The following ORC5 variants were observed in gnomAD, a reference collection of about 807,000 sequenced individuals.
The protein encoded by ORC5 is protein phosphatase 1, regulatory subunit 117.
ORC5 carries 39 observed loss-of-function variants against 58.8 expected under a neutral mutation model. That is an observed-to-expected ratio of 0.66 (90% confidence interval 0.51 to 0.87). The LOEUF is 0.87. Among genes scored for constraint, ORC5 ranks in the 40% least tolerant of loss-of-function variants. The pLI, the probability that ORC5 is intolerant of heterozygous loss-of-function variation, is 0.00. For synonymous variants in ORC5, 218 were observed against 177.6 expected (o/e 1.23, Z -1.81); for missense variants, 493 against 506.3 (o/e 0.97, Z 0.25).
rs1210713098 is a variant in ORC5, at chr7:104,138,651, T to TA, written c.1150-1759dup. Among the ~76,000 whole-genome samples, 1 of 152,044 alleles carries TA rather than the reference T, an allele frequency of 6.6e-6. No homozygotes were observed. The highest frequency in any genetic ancestry group is 1.5e-5 in the Non-Finnish European group (1 of 67,988). The stretch of plus-strand genomic sequence containing the variant: ...GCAGCCTCCTGAGTAGCTGGTACTA[T>TA]AGGCACATGCCACCACACCCAGCTA... On this transcript the variant is annotated intron_variant, in intron 12 of 13. Coordinates refer to ENST00000297431, the MANE Select transcript of ORC5 (RefSeq NM_002553.4). This position sits in a 1 kb window ranked among gnomAD's most constrained non-coding sequence, Gnocchi z 4.7.
Position 104,204,228 on chromosome 7 carries a change from G to A in ORC5, c.79C>T (p.His27Tyr). 16 of 1,584,576 alleles carry A rather than the reference G, an allele frequency of 1.0e-5. No individual in the cohort carries two copies. Among genetic ancestry groups the A allele is most frequent in the Non-Finnish European group, 1.3e-5 (15 of 1,157,452 alleles). ...ATAAAAATGGATGGAAAGCTGAAAT[G>A]ATGTCTCTAACGAGAGAAAAGACAA... is the stretch of plus-strand genomic sequence containing the variant. Reference protein sequence around the residue: ...ILQSLFGERHHFSFPSIFIYG... With the variant: ...ILQSLFGERHYFSFPSIFIYG... Residue 27 changes from histidine to tyrosine, a missense_variant, in exon 2 of 14, where the codon CAT becomes TAT. By Grantham distance (83) the His-to-Tyr change is moderately conservative (BLOSUM62 2). This residue lies in a region of ORC5 where 412 missense variants were observed against 403.7 expected (regional missense o/e 1.02). Coordinates refer to ENST00000297431, the MANE Select transcript of ORC5 (RefSeq NM_002553.4).
intron 13 of ORC5, among the ~76,000 whole-genome samples, chr7:104,128,029 G>A (rs1183195442): frequency 6.6e-6 from 1 of 152,122 alleles, no homozygotes; most frequent in African/African-American, 2.4e-5. Flanking sequence ...CAAAAAGTAT[G>A]GTTATTAAAT....
intron 12 of ORC5, among the ~76,000 whole-genome samples, chr7:104,159,520 C>A (rs1332049217): frequency 5.8e-4 from 73 of 125,532 alleles, no homozygotes; most frequent in African/African-American, 1.7e-3. Context: ...TAGAGAAAGC[C>A]AAAAAAAAAA....
intron 1 of ORC5, 84 bp downstream of exon 1, chr7:104,207,749 C>A (rs1030628016): frequency 3.6e-6 from 5 of 1,370,666 alleles, no homozygotes; most frequent in Non-Finnish European, 5.2e-6. Flanking sequence ...TCAATCCAAA[C>A]ACGAAAAAAC....
At chr7:104,193,667 A>G (rs1395098869) in intron 5 of ORC5, among the ~76,000 whole-genome samples, 2 of 151,750 alleles carry the variant, frequency 1.3e-5, no homozygotes, top group Non-Finnish European at 2.9e-5. Context: ...TCAACTTATC[A>G]ATTAATATTC....
At chr7:104,149,247 T>C (rs948106167) in intron 12 of ORC5, among the ~76,000 whole-genome samples, 6 of 152,132 alleles carry the variant, frequency 3.9e-5, no homozygotes, top group Admixed American at 6.5e-5. Flanking sequence ...TCTGAAACAC[T>C]AGAATCATTT....
intron 12 of ORC5, among the ~76,000 whole-genome samples, chr7:104,146,345 A>G (rs1798752318): frequency 1.3e-5 from 2 of 152,198 alleles, no homozygotes; most frequent in African/African-American, 4.8e-5. Flanking sequence ...GTTCACATAA[A>G]AACTAGTACA....
chr7:104,163,341 T>C (rs1799054621), intron 11 of ORC5, among the ~76,000 whole-genome samples: 1 of 152,224 alleles, frequency 6.6e-6, no homozygotes, highest in African/African-American at 2.4e-5. Flanking sequence ...TTTCACCTTC[T>C]TTCCCTTTAG....
intron 12 of ORC5, among the ~76,000 whole-genome samples, chr7:104,151,189 T>C (rs1421250337): frequency 6.6e-6 from 1 of 152,144 alleles, no homozygotes; most frequent in Non-Finnish European, 1.5e-5. Context: ...CTTGGTTCTG[T>C]AAATAATGTA....
intron 3 of ORC5, among the ~76,000 whole-genome samples, chr7:104,199,263 T>C (rs1027611265): frequency 2.6e-5 from 4 of 152,198 alleles, no homozygotes; most frequent in Non-Finnish European, 5.9e-5. Flanking sequence ...TTGCACTGTG[T>C]GCATGGAAAA....
At chr7:104,148,410 A>G (rs149848624) in intron 12 of ORC5, among the ~76,000 whole-genome samples, 1 of 152,336 alleles carries the variant, frequency 6.6e-6, no homozygotes, top group East Asian at 1.9e-4. Flanking sequence ...AGTGAAGGCA[A>G]TAACTATTAG....
chr7:104,207,646 T>A (rs2075217), intron 1 of ORC5, among the ~76,000 whole-genome samples, 187 bp downstream of exon 1: 62,283 of 151,738 alleles, frequency 0.41, 15,644 homozygotes, highest in African/African-American at 0.68. Context: ...GCTCTCAGAC[T>A]GTCTCCTCTT....
At chr7:104,132,246 A>C (rs990536784) in intron 13 of ORC5, among the ~76,000 whole-genome samples, 1 of 152,080 alleles carries the variant, frequency 6.6e-6, no homozygotes, top group Admixed American at 6.5e-5. Context: ...ACAGTTTCCT[A>C]GTTTTCTTGT....
intron 8 of ORC5, among the ~76,000 whole-genome samples, chr7:104,172,152 T>C (rs1379999437): frequency 1.3e-5 from 2 of 152,232 alleles, no homozygotes; most frequent in Non-Finnish European, 1.5e-5. Context: ...TGTAGCAATC[T>C]CTAACTCCTG....
intron 12 of ORC5, among the ~76,000 whole-genome samples, chr7:104,153,949 T>C (rs1377571140): frequency 3.3e-5 from 5 of 152,132 alleles, no homozygotes; most frequent in Non-Finnish European, 7.4e-5. Flanking sequence ...TTATGTAATA[T>C]GCAAATTAAC....
chr7:104,167,798 T>C (rs972157038), intron 9 of ORC5, among the ~76,000 whole-genome samples: 1 of 152,172 alleles, frequency 6.6e-6, no homozygotes, highest in Non-Finnish European at 1.5e-5. Flanking sequence ...TAGAAAGTAG[T>C]GCAAATCAAT....
intron 5 of ORC5, among the ~76,000 whole-genome samples, chr7:104,193,561 AT>A (rs995885398): frequency 1.2e-4 from 19 of 152,140 alleles, no homozygotes; most frequent in Non-Finnish European, 7.4e-5. Context: ...ATCAGACACC[AT>A]ATTCCTGAAA....
intron 8 of ORC5, among the ~76,000 whole-genome samples, chr7:104,176,409 A>G (rs758812731): frequency 3.3e-5 from 5 of 152,150 alleles, no homozygotes; most frequent in Non-Finnish European, 7.3e-5. Context: ...TCAAAGAAAT[A>G]TTTTGCGGTA....
intron 8 of ORC5, 99 bp downstream of exon 8, chr7:104,183,844 T>A: frequency 1.3e-6 from 1 of 791,980 alleles, no homozygotes; most frequent in Non-Finnish European, 2.0e-6. Flanking sequence ...AACAGATATC[T>A]TTTTCTTTTA....
Sources: gnomAD v4.1 joint callset for allele counts (sites outside exome capture counted in the v4.1 genomes callset) on GRCh38, gnomAD v4.1.1 for gene constraint, gnomAD v4.1.1 regional missense constraint, Gnocchi (gnomAD v3.1) non-coding constraint, MANE v1.5 for transcripts, NCBI Gene and HGNC (gene_info 2026-07-23, HGNC 2026-07-21) for gene names.